The following RPS6KA2 variants were observed in gnomAD, a reference collection of about 807,000 sequenced individuals.
RPS6KA2 encodes the protein ribosomal protein S6 kinase A2.
RPS6KA2 carries 42 observed loss-of-function variants against 91.8 expected under a neutral mutation model. The ratio of observed to expected loss-of-function variants is 0.46; its 90% confidence interval spans 0.36 to 0.59. The LOEUF (loss-of-function observed/expected upper bound fraction) is 0.59. Ranked by LOEUF, RPS6KA2 falls within the 20% of genes least tolerant of loss-of-function variation. RPS6KA2 has a pLI of 0.00. For missense variants in RPS6KA2, 798 were observed against 978.5 expected (o/e 0.82, Z 2.46); for synonymous variants, 414 against 393.6 (o/e 1.05, Z -0.61).
chr6:166,814,233 G>A (rs1480098748), intron 2 of RPS6KA2, among the ~76,000 whole-genome samples: 1 of 152,058 alleles, frequency 6.6e-6, no homozygotes, highest in Non-Finnish European at 1.5e-5. Flanking sequence ...CTAAGTGTTG[G>A]CTATATTAAC....
Position 166,767,460 on chromosome 6 carries a change from C to T in RPS6KA2, c.123+90740G>A, listed in dbSNP as rs535673823. ...CAAAAAGGACAGAGAAGCCAGCTCG[C>T]GCTCCCTTCAGGATCCTACTTGGAA... On this transcript the variant is annotated intron_variant, in intron 2 of 21. Coordinates refer to the RPS6KA2 transcript ENST00000503859. This position sits in a 1 kb window ranked among gnomAD's most constrained non-coding sequence, Gnocchi z 4.6. Among the ~76,000 whole-genome samples the T allele has an allele frequency of 5.9e-5, 9 of 152,284 alleles. No homozygotes were observed. The highest frequency in any genetic ancestry group is 1.3e-4 in the Admixed American group (2 of 15,308).
intron 5 of RPS6KA2, among the ~76,000 whole-genome samples, chr6:166,507,780 A>T (rs944773832): frequency 6.6e-6 from 1 of 150,618 alleles, no homozygotes; most frequent in Non-Finnish European, 1.5e-5. Context: ...AGCACACATC[A>T]CACACATACC....
chr6:166,672,162 G>A (rs746326370), intron 2 of RPS6KA2, among the ~76,000 whole-genome samples: 5 of 152,074 alleles, frequency 3.3e-5, no homozygotes, highest in Admixed American at 6.6e-5. Flanking sequence ...AAATGTTATC[G>A]GGAGGTTAAA....
At chr6:166,473,064 T>C (rs576085771) in intron 10 of RPS6KA2, among the ~76,000 whole-genome samples, 1 of 150,568 alleles carries the variant, frequency 6.6e-6, no homozygotes, top group South Asian at 2.1e-4. Context: ...TATCTCCAAA[T>C]TGGGGCGTCA....
chr6:166,597,908 T>C (rs977794455), intron 1 of RPS6KA2, among the ~76,000 whole-genome samples: 8 of 152,184 alleles, frequency 5.3e-5, no homozygotes, highest in Non-Finnish European at 1.0e-4. Flanking sequence ...TTGGTTTTCA[T>C]CACCCAGTTC....
intron 2 of RPS6KA2, among the ~76,000 whole-genome samples, chr6:166,653,479 C>T (rs1787921903): frequency 6.6e-6 from 1 of 152,246 alleles, no homozygotes; most frequent in African/African-American, 2.4e-5. Flanking sequence ...ACGGAATCGA[C>T]ATGGCAATCA....
intron 1 of RPS6KA2, among the ~76,000 whole-genome samples, chr6:166,543,691 C>G (rs1453988821): frequency 6.6e-6 from 1 of 152,224 alleles, no homozygotes; most frequent in Non-Finnish European, 1.5e-5. Context: ...GGAACCTCGT[C>G]CTGTCTCCGG....
At chr6:166,532,113 G>T (rs931193992) in intron 2 of RPS6KA2, among the ~76,000 whole-genome samples, 9 of 152,240 alleles carry the variant, frequency 5.9e-5, no homozygotes, top group Non-Finnish European at 1.2e-4. Context: ...TGCCCATGCA[G>T]TATGGCTGGA....
intron 1 of RPS6KA2, among the ~76,000 whole-genome samples, chr6:166,545,168 C>T (rs1192512767): frequency 2.6e-5 from 4 of 152,202 alleles, no homozygotes; most frequent in Non-Finnish European, 5.9e-5. Flanking sequence ...TCCATTTCAA[C>T]CCTGGTCATT....
intron 1 of RPS6KA2, chr6:166,862,040 C>T: frequency 6.3e-7 from 1 of 1,598,356 alleles, no homozygotes; most frequent in Non-Finnish European, 8.6e-7. Flanking sequence ...AGTAAATGAG[C>T]AATGCATTGG....
intron 1 of RPS6KA2, among the ~76,000 whole-genome samples, chr6:166,547,907 G>C (rs1783881139): frequency 6.6e-6 from 1 of 152,148 alleles, no homozygotes; most frequent in African/African-American, 2.4e-5. Flanking sequence ...TAGGCATAAC[G>C]TGCACACCTT....
chr6:166,753,165 T>C (rs2128599737), intron 2 of RPS6KA2, among the ~76,000 whole-genome samples: 1 of 152,118 alleles, frequency 6.6e-6, no homozygotes, highest in East Asian at 1.9e-4. Flanking sequence ...TAGGGCTCCA[T>C]CTATCTTGTT....
chr6:166,756,537 G>A (rs1357909164), intron 2 of RPS6KA2, among the ~76,000 whole-genome samples: 1 of 152,184 alleles, frequency 6.6e-6, no homozygotes, highest in Non-Finnish European at 1.5e-5. Context: ...AACACGTTTG[G>A]GTTAACTCAC....
At chr6:166,594,415 G>C (rs1785462766) in intron 1 of RPS6KA2, among the ~76,000 whole-genome samples, 1 of 151,908 alleles carries the variant, frequency 6.6e-6, no homozygotes, top group African/African-American at 2.4e-5. Context: ...TAAAAAAATT[G>C]TCACGTGAAA....
intron 1 of RPS6KA2, among the ~76,000 whole-genome samples, chr6:166,562,562 T>C (rs1296629794): frequency 2.6e-5 from 4 of 152,094 alleles, no homozygotes; most frequent in Admixed American, 6.5e-5. Flanking sequence ...CCAAGCACAA[T>C]AAAATTCATT....
intron 2 of RPS6KA2, among the ~76,000 whole-genome samples, chr6:166,721,888 C>T (rs989640097): frequency 6.6e-6 from 1 of 152,190 alleles, no homozygotes; most frequent in African/African-American, 2.4e-5. Context: ...TCCAGATCCT[C>T]TGACTCAAAA....
chr6:166,682,912 T>C (rs114424054), intron 2 of RPS6KA2, among the ~76,000 whole-genome samples: 1,572 of 152,322 alleles, frequency 0.01, 24 homozygotes, highest in African/African-American at 0.035. Flanking sequence ...TCCAGCTTTA[T>C]AACCACATTC....
intron 2 of RPS6KA2, among the ~76,000 whole-genome samples, chr6:166,779,019 C>T (rs1201500948): frequency 2.0e-5 from 3 of 152,200 alleles, no homozygotes; most frequent in Admixed American, 6.5e-5. Flanking sequence ...TGTGGCCTGC[C>T]GATTTCACAT....
chr6:166,576,883 C>A (rs1322858336), intron 1 of RPS6KA2, among the ~76,000 whole-genome samples: 2 of 152,204 alleles, frequency 1.3e-5, no homozygotes, highest in Non-Finnish European at 2.9e-5. Flanking sequence ...GGCATCCCCT[C>A]CCATTGCAGG....
Sources: allele counts gnomAD v4.1 joint callset (sites outside exome capture counted in the v4.1 genomes callset), GRCh38; gene constraint gnomAD v4.1.1; non-coding constraint Gnocchi (gnomAD v3.1); transcripts MANE v1.5; gene names NCBI Gene and HGNC (gene_info 2026-07-23, HGNC 2026-07-21).